RETREG3: variants seen among roughly 807,000 people sequenced by gnomAD.
RETREG3 encodes reticulophagy regulator 3.
In RETREG3, 23 loss-of-function variants were observed where a neutral mutation model predicts 50.2. That is an observed-to-expected ratio of 0.46 (90% CI 0.33 to 0.65). The LOEUF is 0.65. RETREG3 is among the 30% of genes least tolerant of loss of function. RETREG3 has a pLI of 0.02. For synonymous variants in RETREG3, 240 were observed against 234.4 expected (o/e 1.02, Z -0.22); for missense variants, 546 against 598.0 (o/e 0.91, Z 0.91).
At position 42,583,510 on chromosome 17, in the gene RETREG3, G is replaced by A. The variant is rs368735876; in HGVS notation, c.798C>T (p.Ala266=). The change falls in exon 7 of 9, where the codon GCC becomes GCT. Residue 266 remains alanine (A), a synonymous_variant. Transcript: ENST00000309428. ...ACACTCAAGATACCTGAGGACAGAAGGCAGCAAGCTCCTCTTCGCTGTCAC... is the reference window on the plus strand; with the variant it reads ...ACACTCAAGATACCTGAGGACAGAAAGCAGCAAGCTCCTCTTCGCTGTCAC... ...NHSDSEEELA[A]FCPQLDDSTV... is the part of the protein sequence containing the mutation. 1.2e-4 allele frequency: 198 copies of A among 1,613,524 alleles called. No individual in the cohort carries two copies. The highest frequency in any genetic ancestry group is 1.6e-4 in the Non-Finnish European group (188 of 1,179,722).
At chr17:42,596,531 AC>A (rs2093145425) in intron 1 of RETREG3, 1 of 151,926 alleles carries the variant, frequency 6.6e-6, no homozygotes, top group African/African-American at 2.4e-5. Context: ...TCCATTCCTT[AC>A]CCATACCATC....
intron 1 of RETREG3, among the ~76,000 whole-genome samples, chr17:42,605,718 G>C (rs6503711): frequency 0.93 from 141,808 of 152,188 alleles, 66,143 homozygotes; most frequent in East Asian, 1. Context: ...GTCGGCCAGG[G>C]ACAGTGGCTC....
In RETREG3 at chr17:42,581,888, A is replaced by G; in HGVS notation, c.1326T>C (p.Ala442=). 6.2e-7 allele frequency: 1 copy of G among 1,613,886 alleles called. No individual in the cohort carries two copies. Among genetic ancestry groups the G allele is most frequent in the South Asian group, 1.1e-5 (1 of 91,076 alleles). ...CCAGAAGTTCAAAGTCATCCCCCTC[A>G]GCATCAGTGTCCAGGTCTGAACTGG... The part of the protein sequence containing the change: ...RSPSSDLDTD[A]EGDDFELLDQ... The change falls in exon 9 of 9, where the codon GCT becomes GCC. Residue 442 remains alanine, a synonymous_variant. Transcript: ENST00000309428.
chr17:42,607,499 CAAA>C (rs34542887), intron 1 of RETREG3, among the ~76,000 whole-genome samples: 1 of 46,938 alleles, frequency 2.1e-5, no homozygotes, highest in Non-Finnish European at 3.5e-5. Context: ...GACCTTGTCT[CAAA>C]AAAAAAAAAA....
chr17:42,605,796 C>G (rs988073340), intron 1 of RETREG3, among the ~76,000 whole-genome samples: 1 of 151,966 alleles, frequency 6.6e-6, no homozygotes, highest in African/African-American at 2.4e-5. Flanking sequence ...AGTTCAAGAC[C>G]AGCCTGGCCA....
At chr17:42,606,632 C>T (rs1360508665) in intron 1 of RETREG3, among the ~76,000 whole-genome samples, 1 of 151,456 alleles carries the variant, frequency 6.6e-6, no homozygotes, top group Non-Finnish European at 1.5e-5. Flanking sequence ...AAAAAAAGGT[C>T]CCCTCCTCAA....
chr17:42,588,346 T>C (rs1353800590), intron 2 of RETREG3, among the ~76,000 whole-genome samples: 1 of 151,962 alleles, frequency 6.6e-6, no homozygotes, highest in Non-Finnish European at 1.5e-5. Context: ...AAGCTCCGCC[T>C]CCCATTCTTC....
chr17:42,608,108 A>T (rs2093171735), intron 1 of RETREG3, among the ~76,000 whole-genome samples: 1 of 152,202 alleles, frequency 6.6e-6, no homozygotes, highest in African/African-American at 2.4e-5. Context: ...TAGCAAAAAC[A>T]CAATTAAAAA....
chr17:42,592,848 A>T (rs2093135866), intron 1 of RETREG3, among the ~76,000 whole-genome samples: 1 of 152,138 alleles, frequency 6.6e-6, no homozygotes, highest in Non-Finnish European at 1.5e-5. Context: ...GCTACCTGGG[A>T]GGCTGAGGCA....
chr17:42,582,088 C>T lies in RETREG3; in HGVS notation c.1126G>A (p.Glu376Lys), dbSNP rs141316520. 3.0e-5 allele frequency: 49 copies of T among 1,613,950 alleles called. No homozygotes were observed. The highest frequency in any genetic ancestry group is 3.5e-5 in the Non-Finnish European group (41 of 1,180,012). ...AGCAGGAGCTCCGGCAGCGCAGCCTCGTCCCGGCTGGCAGGTGGGGCCTGG... is the reference window on the plus strand; with the variant it reads ...AGCAGGAGCTCCGGCAGCGCAGCCTTGTCCCGGCTGGCAGGTGGGGCCTGG... Reference protein sequence around the residue: ...EPQAPPASRDEAALPELLLGA... With the variant: ...EPQAPPASRDKAALPELLLGA... The change falls in exon 9 of 9, where the codon GAG becomes AAG. Residue 376 changes from glutamate (E) to lysine (K), a missense_variant. By Grantham distance (56) the Glu-to-Lys change is moderately conservative. Transcript: ENST00000309428.
chr17:42,595,189 G>C (rs188938275), intron 1 of RETREG3, among the ~76,000 whole-genome samples: 1 of 151,482 alleles, frequency 6.6e-6, no homozygotes, highest in Non-Finnish European at 1.5e-5. Context: ...GGATGGTCTC[G>C]ATCTCTTGAC....
In RETREG3 at chr17:42,581,919, C is replaced by G; in HGVS notation, c.1295G>C (p.Arg432Pro). Residue 432 changes from arginine (R) to proline (P), a missense_variant, in exon 9 of 9, where the codon CGG (arginine) becomes CCG (proline). Arg to Pro is a moderately radical substitution (Grantham distance 103). Coordinates refer to ENST00000309428, the MANE Select transcript of RETREG3 (RefSeq NM_178126.4). ...AGTGTCCAGGTCTGAACTGGGGGACCGGAGGAAGCCTCTCGTTGCTCTCTG... is the reference window on the plus strand; with the variant it reads ...AGTGTCCAGGTCTGAACTGGGGGACGGGAGGAAGCCTCTCGTTGCTCTCTG... ...PAQRATRGFL[R>P]SPSSDLDTDA... 5.0e-6 allele frequency: 8 copies of G among 1,614,108 alleles called. No individual in the cohort carries two copies. Among genetic ancestry groups the G allele is most frequent in the Non-Finnish European group, 6.8e-6 (8 of 1,180,022 alleles).
intron 2 of RETREG3, among the ~76,000 whole-genome samples, chr17:42,591,832 G>T (rs543265007): frequency 6.6e-6 from 1 of 152,292 alleles, no homozygotes; most frequent in African/African-American, 2.4e-5. Flanking sequence ...CAGGTGGTGA[G>T]TACAGATTTC....
At chr17:42,600,599 G>A (rs1428077615) in intron 1 of RETREG3, among the ~76,000 whole-genome samples, 4 of 152,036 alleles carry the variant, frequency 2.6e-5, no homozygotes, top group South Asian at 2.1e-4. Context: ...ACTGGGGTAT[G>A]GAAGACACAA....
In RETREG3 at chr17:42,586,148, A is replaced by G. The variant is rs2093120830; in HGVS notation, c.505-11T>C. 6.2e-7 allele frequency: 1 copy of G among 1,613,660 alleles called. No individual in the cohort carries two copies. Among genetic ancestry groups the G allele is most frequent in the African/African-American group, 1.3e-5 (1 of 74,892 alleles). On this transcript the variant is annotated splice_polypyrimidine_tract_variant and intron_variant, in intron 4 of 8. Coordinates refer to ENST00000309428, the MANE Select transcript of RETREG3 (RefSeq NM_178126.4). ...GCTCAGCAAGCAGAACTGGGGAATC[A>G]AGAAAGAGTATTAAGTTTCTGTCAC...
At chr17:42,594,800 G>A (rs1459718768) in intron 1 of RETREG3, among the ~76,000 whole-genome samples, 1 of 151,722 alleles carries the variant, frequency 6.6e-6, no homozygotes. Context: ...GCAGTGAGCT[G>A]AGATTGCGCT....
rs1216580039 is a variant in RETREG3 at position 42,582,699 on chromosome 17, T to C, written c.918A>G (p.Gln306=). 6 of 1,614,118 alleles carry C rather than the reference T, an allele frequency of 3.7e-6. No individual in the cohort carries two copies. Among genetic ancestry groups the C allele is most frequent in the Middle Eastern group, 1.6e-4 (1 of 6,084 alleles). The part of the protein sequence containing the change: ...DNGTFNLSRG[Q]TPLTEGSEDL... ...CTTCAGAGCCTTCCGTTAGAGGTGTTTGGCCCCTTGAAAGATTGAATGTGC... is the reference window on the plus strand; with the variant it reads ...CTTCAGAGCCTTCCGTTAGAGGTGTCTGGCCCCTTGAAAGATTGAATGTGC... The change falls in exon 8 of 9, where the codon CAA becomes CAG. Residue 306 remains glutamine (Q), a synonymous_variant. Transcript: ENST00000309428.
At chr17:42,586,997 G>A (rs377520521) in intron 3 of RETREG3, 106 bp from the exon 4 acceptor site, 143 of 1,461,756 alleles carry the variant, frequency 9.8e-5, no homozygotes, top group Non-Finnish European at 1.3e-4. Flanking sequence ...TTTGGGGAGT[G>A]ACTAGGCCCA....
At chr17:42,606,200 T>A (rs1475822031) in intron 1 of RETREG3, among the ~76,000 whole-genome samples, 1 of 151,984 alleles carries the variant, frequency 6.6e-6, no homozygotes, top group Admixed American at 6.6e-5. Flanking sequence ...CCTCTAAACA[T>A]AGCATGTTAA....
Sources: allele counts gnomAD v4.1 joint callset (sites outside exome capture counted in the v4.1 genomes callset), GRCh38; gene constraint gnomAD v4.1.1; transcripts MANE v1.5; gene names NCBI Gene and HGNC (gene_info 2026-07-23, HGNC 2026-07-21).